C12orf42: variants seen among roughly 807,000 people sequenced by gnomAD.
C12orf42 encodes chromosome 12 open reading frame 42.
A neutral mutation model predicts 21.6 loss-of-function variants in C12orf42; 25 were observed. The observed-to-expected ratio is 1.16, with a 90% CI of 0.84 to 1.62. The LOEUF (loss-of-function observed/expected upper bound fraction) is 1.62, where lower values mean the gene tolerates loss of function less well. Ranked by LOEUF, C12orf42 falls within the 40% of genes most tolerant of loss-of-function variation. C12orf42 has a pLI of 0.00. For synonymous variants in C12orf42, 174 were observed against 175.0 expected, an observed-to-expected ratio of 0.99 and a Z score of 0.05; for missense variants, 483 against 459.3, an observed-to-expected ratio of 1.05 and a Z score of -0.47.
At chr12:103,400,936 G>T (rs968231944) in intron 3 of C12orf42, among the ~76,000 whole-genome samples, 1 of 152,126 alleles carries the variant, frequency 6.6e-6, no homozygotes, top group African/African-American at 2.4e-5. Context: ...AAAGCCCTTA[G>T]GATGTAAATT....
intron 4 of C12orf42, among the ~76,000 whole-genome samples, chr12:103,281,915 A>AAAAGAAAGAAAGAAAGAAAGAAAG (rs3063699): frequency 1.3e-4 from 18 of 141,944 alleles, no homozygotes; most frequent in East Asian, 2.1e-4. Flanking sequence ...AGAAGAAAGA[A>AAAAGAAAGAAAGAAAGAAAGAAAG]AAAGAAAGAA....
intron 1 of C12orf42, among the ~76,000 whole-genome samples, chr12:103,479,542 T>TC (rs1832918648): frequency 6.6e-6 from 1 of 152,078 alleles, no homozygotes; most frequent in South Asian, 2.1e-4. Context: ...TTCATACATT[T>TC]CCCCATCAAG....
chr12:103,434,560 G>A (rs568470150), intron 2 of C12orf42, among the ~76,000 whole-genome samples: 64 of 152,270 alleles, frequency 4.2e-4, no homozygotes, highest in Admixed American at 1.8e-3. Context: ...TGCACGAGCC[G>A]AAGCAGGGCG....
At chr12:103,075,861 A>G in the C12orf42 span, among the ~76,000 whole-genome samples, 1 of 152,180 alleles carries the variant, frequency 6.6e-6, no homozygotes, top group Non-Finnish European at 1.5e-5. Flanking sequence ...ACCATGGGTG[A>G]TGGGGTAATG....
the C12orf42 span, among the ~76,000 whole-genome samples, chr12:103,145,954 T>G: frequency 0.018 from 2,747 of 150,994 alleles, 45 homozygotes; most frequent in African/African-American, 0.047. Flanking sequence ...CATATATATA[T>G]AGAGAGAGAG....
the C12orf42 span, among the ~76,000 whole-genome samples, chr12:103,521,508 C>G: frequency 1.3e-5 from 2 of 152,002 alleles, no homozygotes; most frequent in African/African-American, 4.8e-5. Context: ...GGGAGGTGAA[C>G]AACACACACT....
At chr12:103,470,620 G>A (rs1262366205) in intron 2 of C12orf42, among the ~76,000 whole-genome samples, 1 of 152,170 alleles carries the variant, frequency 6.6e-6, no homozygotes, top group Non-Finnish European at 1.5e-5. Flanking sequence ...TTGACCAATA[G>A]AGTATGGAAG....
intron 2 of C12orf42, among the ~76,000 whole-genome samples, chr12:103,412,745 T>C (rs2048959431): frequency 6.6e-6 from 1 of 152,256 alleles, no homozygotes; most frequent in Admixed American, 6.5e-5. Flanking sequence ...CATATATTTA[T>C]TGGCTCCTTA....
At chr12:103,218,998 A>G in the C12orf42 span, among the ~76,000 whole-genome samples, 1 of 152,200 alleles carries the variant, frequency 6.6e-6, no homozygotes, top group African/African-American at 2.4e-5. Flanking sequence ...TGTTTGGGCA[A>G]ACACTGAGCT....
intron 3 of C12orf42, 40 bp from the exon 4 acceptor site, chr12:103,369,038 G>T: frequency 9.1e-7 from 1 of 1,102,086 alleles, no homozygotes; most frequent in Non-Finnish European, 1.3e-6. Flanking sequence ...AAAAAATTAG[G>T]TCAATGGCTC....
intron 4 of C12orf42, among the ~76,000 whole-genome samples, chr12:103,309,757 A>G (rs1234352228): frequency 6.6e-6 from 1 of 152,226 alleles, no homozygotes; most frequent in Non-Finnish European, 1.5e-5. Context: ...GGACTGTAAA[A>G]ACTTGTAGCA....
chr12:103,296,377 G>C (rs1161327456), intron 4 of C12orf42, among the ~76,000 whole-genome samples: 1 of 151,988 alleles, frequency 6.6e-6, no homozygotes, highest in Non-Finnish European at 1.5e-5. Flanking sequence ...GGGTATATAC[G>C]CAGTAATGAG....
the C12orf42 span, among the ~76,000 whole-genome samples, chr12:103,152,622 G>A: frequency 5.3e-5 from 8 of 152,112 alleles, no homozygotes; most frequent in Non-Finnish European, 1.2e-4. Flanking sequence ...TTTAAGAATT[G>A]ACAATAAATA....
the C12orf42 span, among the ~76,000 whole-genome samples, chr12:103,525,655 A>G: frequency 2.6e-5 from 4 of 152,232 alleles, no homozygotes; most frequent in Non-Finnish European, 4.4e-5. Context: ...TAATTAAAGT[A>G]GTATTATTAC....
chr12:103,329,718 T>C (rs952189086), intron 4 of C12orf42, among the ~76,000 whole-genome samples: 1 of 151,250 alleles, frequency 6.6e-6, no homozygotes, highest in South Asian at 2.1e-4. Context: ...TACATATTCA[T>C]TGTACAAAAT....
intron 1 of C12orf42, among the ~76,000 whole-genome samples, chr12:103,492,339 T>G (rs960717491): frequency 6.6e-6 from 1 of 152,214 alleles, no homozygotes; most frequent in Non-Finnish European, 1.5e-5. Flanking sequence ...TGTTTCACAG[T>G]CTGAAATAGG....
At chr12:103,192,729 C>T in the C12orf42 span, among the ~76,000 whole-genome samples, 1 of 152,096 alleles carries the variant, frequency 6.6e-6, no homozygotes, top group Admixed American at 6.5e-5. Context: ...AGCATCAGAG[C>T]ACCTAAGTAC....
chr12:103,484,540 G>C (rs1565899674), intron 1 of C12orf42, among the ~76,000 whole-genome samples: 1 of 152,020 alleles, frequency 6.6e-6, no homozygotes, highest in Non-Finnish European at 1.5e-5. Context: ...TAAGTTCTTT[G>C]TAGATTCTGG....
At chr12:103,446,783 T>C (rs1951603082) in intron 2 of C12orf42, among the ~76,000 whole-genome samples, 2 of 151,932 alleles carry the variant, frequency 1.3e-5, no homozygotes. Flanking sequence ...TATACAATGA[T>C]AAAAGGACTA....
Sources: gnomAD v4.1 joint callset for allele counts (sites outside exome capture counted in the v4.1 genomes callset) on GRCh38, gnomAD v4.1.1 for gene constraint, MANE v1.5 for transcripts, NCBI Gene and HGNC (gene_info 2026-07-23, HGNC 2026-07-21) for gene names.